The following ADCY8 variants were observed in gnomAD, a reference collection of about 807,000 sequenced individuals.
The protein encoded by ADCY8 is adenylate cyclase 8.
Under a neutral mutation model 119.7 loss-of-function variants are expected in ADCY8, and 51 were observed. The ratio of observed to expected loss-of-function variants is 0.43; its 90% confidence interval spans 0.34 to 0.54. ADCY8 has a LOEUF of 0.54. Among genes scored for constraint, ADCY8 ranks in the 20% least tolerant of loss-of-function variants. The pLI is 0.03. For missense variants in ADCY8, 1,383 were observed against 1,598.8 expected (o/e 0.87, Z 2.30); for synonymous variants, 665 against 651.0 (o/e 1.02, Z -0.33).
Position 131,040,159 on chromosome 8 carries a change from C to G in ADCY8, c.175G>C (p.Gly59Arg), listed in dbSNP as rs1444939698. The G allele has an allele frequency of 3.9e-6, 6 of 1,533,100 alleles. No homozygotes were observed. The African/African-American group carries it at 6.8e-5, about 17-fold the overall frequency. 95.0% of individuals were successfully genotyped at this position (1,533,100 alleles called of 1,614,324 possible). A position where few individuals can be genotyped will look rare whatever the true frequency, so the allele number is the denominator to read the frequency against. ...TTGCCCGAGCCTCCACTCCCGCTGC[C>G]GCTGCCTCCCCGGTGCCCGTGAATG... ...RFIHGHRGGS[G>R]SGSGGSGKAS... Residue 59 changes from glycine to arginine, a missense_variant, in exon 1 of 18, where the codon GGC becomes CGC. By Grantham distance (125) the Gly-to-Arg change is moderately radical. This residue lies in a region of ADCY8 where 455 missense variants were observed against 435.3 expected (regional missense o/e 1.05). Coordinates refer to ENST00000286355, the MANE Select transcript of ADCY8 (RefSeq NM_001115.3).
chr8:130,818,855 G>C (rs893541086), intron 13 of ADCY8, among the ~76,000 whole-genome samples: 1 of 152,220 alleles, frequency 6.6e-6, no homozygotes, highest in African/African-American at 2.4e-5. Context: ...TGAGCATTTG[G>C]ATTCCCGCTC....
chr8:130,979,827 C>A (rs1035669038), intron 2 of ADCY8, among the ~76,000 whole-genome samples: 1 of 152,136 alleles, frequency 6.6e-6, no homozygotes, highest in African/African-American at 2.4e-5. Context: ...CTGTTACTTC[C>A]ATCCAGGCAA....
intron 8 of ADCY8, among the ~76,000 whole-genome samples, chr8:130,879,265 G>T (rs1224275246): frequency 1.3e-5 from 2 of 152,144 alleles, no homozygotes; most frequent in Admixed American, 1.3e-4. Context: ...AAGTTCCTCA[G>T]TGTGTAAAGA....
chr8:130,989,649 T>C (rs892005692), intron 2 of ADCY8, among the ~76,000 whole-genome samples: 5 of 152,160 alleles, frequency 3.3e-5, no homozygotes, highest in Admixed American at 6.5e-5. Flanking sequence ...TCCTGGAAAA[T>C]TGTGTTCAGA....
At chr8:130,854,835 C>CT in intron 9 of ADCY8, among the ~76,000 whole-genome samples, 2 of 55,542 alleles carry the variant, frequency 3.6e-5, no homozygotes, top group African/African-American at 8.0e-5. Context: ...CCCTCCCTCC[C>CT]TCCCTTCCTT....
At chr8:130,818,922 G>C (rs776122033) in intron 13 of ADCY8, among the ~76,000 whole-genome samples, 3 of 152,200 alleles carry the variant, frequency 2.0e-5, no homozygotes, top group Non-Finnish European at 2.9e-5. Context: ...CTCTGTTCTT[G>C]TCTTAGGACC....
intron 11 of ADCY8, among the ~76,000 whole-genome samples, chr8:130,846,346 C>T (rs962954144): frequency 6.6e-6 from 1 of 152,154 alleles, no homozygotes; most frequent in Non-Finnish European, 1.5e-5. Context: ...AGAAACAGAC[C>T]ACTGGCTCTG....
rs34700138 is a variant in ADCY8 at position 130,948,645 on chromosome 8, T to TAA, written c.1241+3221_1241+3222dup. Among the ~76,000 whole-genome samples the TAA allele has an allele frequency of 1.9e-3, 175 of 91,196 alleles. 1 individual carries two copies. The highest frequency in any genetic ancestry group is 3.9e-3 in the African/African-American group (127 of 32,732). The allele number at this position is 91,196 out of a possible 152,430, so 59.8% of individuals were successfully genotyped here. A position where few individuals can be genotyped will look rare whatever the true frequency, so the allele number is the denominator to read the frequency against. ...TTTTTTAGGAAAGAGTCTTCAAAAT[T>TAA]AAAAAAAAAAAAAAAAAAAAGCCAA... On this transcript the variant is annotated intron_variant, in intron 3 of 17. Transcript: ENST00000286355.
At chr8:130,808,911 A>G (rs886346819) in intron 14 of ADCY8, among the ~76,000 whole-genome samples, 1 of 152,178 alleles carries the variant, frequency 6.6e-6, no homozygotes, top group Non-Finnish European at 1.5e-5. Context: ...TCATAAAGCC[A>G]TGATGAGCCA....
intron 9 of ADCY8, among the ~76,000 whole-genome samples, chr8:130,866,337 TTTC>T: frequency 2.0e-5 from 1 of 50,006 alleles, no homozygotes; most frequent in Non-Finnish European, 4.1e-5. Flanking sequence ...CTTGAACATC[TTTC>T]TTCCACAGCA....
intron 5 of ADCY8, among the ~76,000 whole-genome samples, chr8:130,926,249 A>T (rs1051530481): frequency 6.6e-6 from 1 of 151,896 alleles, no homozygotes; most frequent in Non-Finnish European, 1.5e-5. Flanking sequence ...GCACACATAC[A>T]TGTGGCTTTT....
chr8:130,991,950 C>T (rs921232078), intron 1 of ADCY8, among the ~76,000 whole-genome samples: 2 of 151,508 alleles, frequency 1.3e-5, no homozygotes, highest in African/African-American at 4.8e-5. Flanking sequence ...AATATCTGAA[C>T]CAACTGGATA....
At chr8:131,005,110 A>T (rs529161029) in intron 1 of ADCY8, among the ~76,000 whole-genome samples, 1 of 152,314 alleles carries the variant, frequency 6.6e-6, no homozygotes, top group Non-Finnish European at 1.5e-5. Flanking sequence ...CATGCAAAAG[A>T]AAAAATAAAT....
chr8:130,903,819 A>T lies in ADCY8; in HGVS notation c.1864T>A (p.Ser622Thr), dbSNP rs754390667. 7 of 1,613,418 alleles carry T rather than the reference A, an allele frequency of 4.3e-6. No individual in the cohort carries two copies. The African/African-American group carries it at 9.3e-5, about 22-fold the overall frequency. Residue 622 changes from serine (S) to threonine (T), a missense_variant, in exon 7 of 18, where the codon TCC (serine) becomes ACC (threonine). Coordinates refer to ENST00000286355, the MANE Select transcript of ADCY8 (RefSeq NM_001115.3). The stretch of plus-strand genomic sequence containing the variant: ...TCAAAGGGCAGTTCAGGGCTCCAGG[A>T]TCCTTCAGTGAATGTGGCCCCACTG... The part of the protein sequence containing the change: ...RNSGATFTEG[S>T]WSPELPFDNI...
At chr8:130,950,078 C>T (rs1009080735) in intron 3 of ADCY8, among the ~76,000 whole-genome samples, 1 of 152,182 alleles carries the variant, frequency 6.6e-6, no homozygotes, top group Non-Finnish European at 1.5e-5. Flanking sequence ...CCTACAGATG[C>T]TGCTAAGTGC....
intron 4 of ADCY8, among the ~76,000 whole-genome samples, chr8:130,942,308 C>G (rs1386783121): frequency 3.3e-5 from 5 of 152,174 alleles, no homozygotes; most frequent in African/African-American, 1.2e-4. Context: ...TAAGACTCAG[C>G]TTAAGAGTCA....
At chr8:131,007,991 A>G (rs1323916760) in intron 1 of ADCY8, among the ~76,000 whole-genome samples, 1 of 152,212 alleles carries the variant, frequency 6.6e-6, no homozygotes, top group East Asian at 1.9e-4. Context: ...ATAGTCAGCC[A>G]ATGAGGTAGG....
At chr8:131,023,831 T>C (rs1307294355) in intron 1 of ADCY8, among the ~76,000 whole-genome samples, 1 of 152,164 alleles carries the variant, frequency 6.6e-6, no homozygotes, top group African/African-American at 2.4e-5. Context: ...CTCGAACCCA[T>C]GGCTAGTTGG....
intron 7 of ADCY8, among the ~76,000 whole-genome samples, chr8:130,897,079 T>C (rs1819418242): frequency 1.3e-5 from 2 of 152,156 alleles, no homozygotes; most frequent in Admixed American, 1.3e-4. Flanking sequence ...AACTCAGTTC[T>C]GCTTAGTTTC....
Sources: gnomAD v4.1 joint callset for allele counts (sites outside exome capture counted in the v4.1 genomes callset) on GRCh38, gnomAD v4.1.1 for gene constraint, gnomAD v4.1.1 regional missense constraint, MANE v1.5 for transcripts, NCBI Gene and HGNC (gene_info 2026-07-23, HGNC 2026-07-21) for gene names.